The following PCDHA6 variants were observed in gnomAD, a reference collection of about 807,000 sequenced individuals.
The protein encoded by PCDHA6 is protocadherin alpha 6.
In PCDHA6, 55 loss-of-function variants were observed where a neutral mutation model predicts 60.3. The ratio of observed to expected loss-of-function variants is 0.91; its 90% CI spans 0.73 to 1.14. PCDHA6 has a LOEUF of 1.14. Among genes scored for constraint, PCDHA6 ranks in the 50% most tolerant of loss-of-function variants. PCDHA6 has a pLI of 0.00. For missense variants in PCDHA6, 1,327 were observed against 1,256.5 expected (o/e 1.06, Z -0.85); for synonymous variants, 652 against 557.9 (o/e 1.17, Z -2.38).
intron 1 of PCDHA6, among the ~76,000 whole-genome samples, chr5:140,935,834 C>G (rs1037488504): frequency 1.3e-5 from 2 of 151,624 alleles, no homozygotes; most frequent in African/African-American, 2.4e-5. Flanking sequence ...ACACATATTC[C>G]ATACTGCTTA....
Position 140,850,461 on chromosome 5 carries a change from G to T in PCDHA6, c.2394+19976G>T. Reference sequence around the variant, plus strand: ...ACTGGTGCTGGTGAAAGACCACGGGGAGCCAGCGCTGACGGCCACGGCCAC... The same window carrying T: ...ACTGGTGCTGGTGAAAGACCACGGGTAGCCAGCGCTGACGGCCACGGCCAC... On this transcript the variant is annotated intron_variant, in intron 1 of 3. Transcript: ENST00000529310. The T allele has an allele frequency of 1.9e-6, 3 of 1,598,002 alleles. No individual in the cohort carries two copies. The East Asian group carries it at 6.7e-5, about 36-fold the overall frequency.
At chr5:140,836,090 G>C in intron 1 of PCDHA6, 4 of 1,613,720 alleles carry the variant, frequency 2.5e-6, no homozygotes, top group Non-Finnish European at 3.4e-6. Context: ...TGGCGCCTCG[G>C]GTGGGTGGCA....
chr5:140,900,178 T>C (rs972449455), intron 1 of PCDHA6, among the ~76,000 whole-genome samples: 2 of 152,238 alleles, frequency 1.3e-5, no homozygotes, highest in African/African-American at 2.4e-5. Context: ...GCCTGGTTTA[T>C]GTCACTTATA....
Position 141,005,701 on chromosome 5 carries a change from C to CAAA in PCDHA6, c.2543-3898_2543-3896dup, listed in dbSNP as rs59860837. ...TGGGCGACAGAGCGAAACTCCGTCTCAAAAAAAAAAAAAAAAAAAAAAAAA... is the reference window on the plus strand; with the variant it reads ...TGGGCGACAGAGCGAAACTCCGTCTCAAAAAAAAAAAAAAAAAAAAAAAAAAAA... On this transcript the variant is annotated intron_variant, in intron 3 of 3. Transcript: ENST00000529310. Among the ~76,000 whole-genome samples the CAAA allele has an allele frequency of 9.1e-3, 71 of 7,774 alleles. 6 individuals are homozygous for CAAA. Among genetic ancestry groups the CAAA allele is most frequent in the Non-Finnish European group, 0.012 (43 of 3,684 alleles). 5.1% of individuals were successfully genotyped at this position (7,774 alleles called of 152,430 possible).
chr5:140,898,808 C>T (rs1318586303), intron 1 of PCDHA6, among the ~76,000 whole-genome samples: 2 of 152,188 alleles, frequency 1.3e-5, no homozygotes, highest in Non-Finnish European at 2.9e-5. Context: ...GATACTGATT[C>T]TTCCTACCCA....
chr5:140,943,522 G>T (rs2093513187), intron 1 of PCDHA6, among the ~76,000 whole-genome samples: 1 of 152,144 alleles, frequency 6.6e-6, no homozygotes, highest in Non-Finnish European at 1.5e-5. Flanking sequence ...GTTGAGTTCA[G>T]TATGCAAAAT....
chr5:140,917,333 G>GT (rs1401985588), intron 1 of PCDHA6, among the ~76,000 whole-genome samples: 2 of 148,632 alleles, frequency 1.3e-5, no homozygotes, highest in Admixed American at 6.7e-5. Context: ...GCGGGGGAGG[G>GT]GGGGGATGGT....
chr5:140,856,808 C>T, intron 1 of PCDHA6: 1 of 1,594,492 alleles, frequency 6.3e-7, no homozygotes, highest in Non-Finnish European at 8.6e-7. Context: ...GTATGAAAAT[C>T]AAGTGAACCA....
chr5:140,898,392 T>G (rs1464159946), intron 1 of PCDHA6, among the ~76,000 whole-genome samples: 3 of 152,224 alleles, frequency 2.0e-5, no homozygotes, highest in African/African-American at 7.2e-5. Flanking sequence ...GGATCCAGTT[T>G]CAGCTTTCTA....
chr5:140,921,777 C>T (rs1434211783), intron 1 of PCDHA6, among the ~76,000 whole-genome samples: 1 of 152,030 alleles, frequency 6.6e-6, no homozygotes, highest in African/African-American at 2.4e-5. Context: ...TCAATACTGA[C>T]TTGGATGTTC....
At chr5:140,876,577 A>T in intron 1 of PCDHA6, 2 of 1,614,182 alleles carry the variant, frequency 1.2e-6, no homozygotes, top group Non-Finnish European at 1.7e-6. Flanking sequence ...GGGTACCGTC[A>T]TTGCCCTGAT....
chr5:140,844,251 A>G (rs1554140582), intron 1 of PCDHA6, among the ~76,000 whole-genome samples: 1 of 149,748 alleles, frequency 6.7e-6, no homozygotes, highest in East Asian at 1.9e-4. Flanking sequence ...CGTTTTAAGC[A>G]GTGTAGTGAT....
intron 1 of PCDHA6, chr5:140,831,249 A>G (rs1232013829): frequency 5.3e-5 from 8 of 152,084 alleles, no homozygotes; most frequent in African/African-American, 1.9e-4. Flanking sequence ...CGGCTCTCTT[A>G]TTTCTGTTTG....
In PCDHA6 at chr5:140,904,903, A is replaced by G. The variant is rs568713418; in HGVS notation, c.2395-74046A>G. On this transcript the variant is annotated intron_variant, in intron 1 of 3. Transcript: ENST00000529310. ...CTTTTTGATGGGATTTGTTTTTCTT[A>G]CTGATTTGTTTGACTTCCTTGTAGG... 9.4e-4 allele frequency among the ~76,000 whole-genome samples: 142 copies of G among 151,862 alleles called. 2 individuals carry two copies. The highest frequency in any genetic ancestry group is 2.9e-3 in the African/African-American group (122 of 41,438).
intron 1 of PCDHA6, among the ~76,000 whole-genome samples, chr5:140,903,368 A>G (rs1554190936): frequency 6.6e-6 from 1 of 152,234 alleles, no homozygotes; most frequent in Non-Finnish European, 1.5e-5. Flanking sequence ...TCAAAAATAT[A>G]GGGAGGATTG....
intron 1 of PCDHA6, chr5:140,882,142 G>T: frequency 1.3e-6 from 2 of 1,488,266 alleles, no homozygotes; most frequent in Non-Finnish European, 1.8e-6. Flanking sequence ...AGAAAATATA[G>T]CAGAAAGCGG....
At chr5:140,927,360 T>G in intron 1 of PCDHA6, 1 of 1,613,972 alleles carries the variant, frequency 6.2e-7, no homozygotes, top group Non-Finnish European at 8.5e-7. Flanking sequence ...AGGGAAGCAA[T>G]GGGATACTAA....
chr5:140,925,166 A>G (rs2082364629), intron 1 of PCDHA6, among the ~76,000 whole-genome samples: 1 of 152,126 alleles, frequency 6.6e-6, no homozygotes, highest in Admixed American at 6.5e-5. Context: ...GAATTGTGTA[A>G]TTGACCCCAA....
chr5:140,871,007 C>T (rs1554164969), intron 1 of PCDHA6: 1 of 1,613,314 alleles, frequency 6.2e-7, no homozygotes, highest in South Asian at 1.1e-5. Context: ...ACAACGCGTG[C>T]CCTGGACGAG....
Sources: gnomAD v4.1 joint callset for allele counts (sites outside exome capture counted in the v4.1 genomes callset) on GRCh38, gnomAD v4.1.1 for gene constraint, MANE v1.5 for transcripts, NCBI Gene and HGNC (gene_info 2026-07-23, HGNC 2026-07-21) for gene names.